The following HDDC2 variants were observed in gnomAD, a reference collection of about 807,000 sequenced individuals.
The protein encoded by HDDC2 is 5'-deoxynucleotidase HDDC2.
In HDDC2, 25 loss-of-function variants were observed where a neutral mutation model predicts 25.5. The observed-to-expected ratio is 0.98, with a 90% CI of 0.72 to 1.37. HDDC2 has a LOEUF of 1.37. Ranked by LOEUF, HDDC2 falls within the 40% of genes most tolerant of loss-of-function variation. The probability of loss-of-function intolerance (pLI) is 0.00; values close to 1 mark genes in which losing one functional copy is unlikely to be tolerated. For missense variants in HDDC2, 264 were observed against 253.1 expected (o/e 1.04, Z -0.29); for synonymous variants, 106 against 89.7 (o/e 1.18, Z -1.03).
At chr6:125,280,675 C>T (rs1367108305) in intron 4 of HDDC2, among the ~76,000 whole-genome samples, 1 of 152,264 alleles carries the variant, frequency 6.6e-6, no homozygotes. Context: ...AATTCCTCCT[C>T]TCTGGGCAGA....
chr6:125,301,643 G>A (rs913915696), intron 1 of HDDC2, among the ~76,000 whole-genome samples: 1 of 152,182 alleles, frequency 6.6e-6, no homozygotes, highest in African/African-American at 2.4e-5. Context: ...CGCCCCAGCT[G>A]GCCAGCCTGT....
At chr6:125,296,823 A>G (rs1295252384) in intron 3 of HDDC2, among the ~76,000 whole-genome samples, 2 of 152,194 alleles carry the variant, frequency 1.3e-5, no homozygotes, top group African/African-American at 2.4e-5. Context: ...GTGCCTGTCC[A>G]TGGGGTGTCA....
chr6:125,281,372 G>C (rs928781789), intron 4 of HDDC2, among the ~76,000 whole-genome samples: 3 of 152,178 alleles, frequency 2.0e-5, no homozygotes, highest in African/African-American at 4.8e-5. Flanking sequence ...CAAATTGACA[G>C]AAGTAGGATT....
intron 4 of HDDC2, among the ~76,000 whole-genome samples, chr6:125,287,226 A>G (rs958407848): frequency 7.9e-5 from 12 of 152,218 alleles, no homozygotes; most frequent in Non-Finnish European, 1.6e-4. Flanking sequence ...AAAAAAAGTG[A>G]GCATGATTAA....
chr6:125,282,041 A>G (rs1798466797), intron 4 of HDDC2, among the ~76,000 whole-genome samples: 1 of 152,176 alleles, frequency 6.6e-6, no homozygotes, highest in Non-Finnish European at 1.5e-5. Flanking sequence ...GTGGGGGCCA[A>G]TACTCAACAT....
intron 1 of HDDC2, among the ~76,000 whole-genome samples, chr6:125,301,037 G>A (rs1798793357): frequency 6.6e-6 from 1 of 152,030 alleles, no homozygotes; most frequent in Non-Finnish European, 1.5e-5. Flanking sequence ...TGTATTGAAG[G>A]GTCTGAACGT....
At position 125,300,606 on chromosome 6, in the gene HDDC2, A is replaced by C; in HGVS notation, c.138T>G (p.Val46=). 6.2e-7 allele frequency: 1 copy of C among 1,614,134 alleles called. No individual in the cohort carries two copies. The change falls in exon 2 of 6, where the codon GTT becomes GTG. Residue 46 remains valine (V), a synonymous_variant. Transcript: ENST00000398153. ...CTGCCATCCGGTACATGTGATCTGA[A>C]ACGCTCTCCGGCCTCTGGACATTTC... ...VYRNVQRPES[V]SDHMYRMAVM... is the part of the protein sequence containing the mutation.
At chr6:125,294,632 A>G (rs1164125253) in intron 3 of HDDC2, among the ~76,000 whole-genome samples, 1 of 152,246 alleles carries the variant, frequency 6.6e-6, no homozygotes, top group Non-Finnish European at 1.5e-5. Context: ...ATGTACATAC[A>G]GGTATATGAA....
intron 5 of HDDC2, chr6:125,276,819 T>A: frequency 2.4e-6 from 1 of 419,216 alleles, no homozygotes; most frequent in Non-Finnish European, 4.3e-6. Context: ...TGTATGTCCA[T>A]GACGGCTAGC....
At chr6:125,282,447 T>G (rs1297975746) in intron 4 of HDDC2, among the ~76,000 whole-genome samples, 2 of 152,140 alleles carry the variant, frequency 1.3e-5, no homozygotes, top group South Asian at 4.1e-4. Flanking sequence ...ATAAAATCTT[T>G]TACATAGAAG....
chr6:125,298,634 A>G, intron 3 of HDDC2, 80 bp downstream of exon 3: 1 of 981,088 alleles, frequency 1.0e-6, no homozygotes, highest in Non-Finnish European at 1.6e-6. Flanking sequence ...CCCTAACTGT[A>G]ACAGGTCTCA....
At chr6:125,296,177 T>C (rs779026182) in intron 3 of HDDC2, among the ~76,000 whole-genome samples, 1 of 152,066 alleles carries the variant, frequency 6.6e-6, no homozygotes, top group African/African-American at 2.4e-5. Flanking sequence ...ACTATTTACA[T>C]AGCATTTGCA....
At chr6:125,283,610 G>C (rs189367100) in intron 4 of HDDC2, among the ~76,000 whole-genome samples, 1 of 152,100 alleles carries the variant, frequency 6.6e-6, no homozygotes, top group Non-Finnish European at 1.5e-5. Context: ...AACTTACAAG[G>C]AATGTGAAGG....
Position 125,275,832 on chromosome 6 carries a change from TAATTA to T in HDDC2, c.*309_*313del. The T allele has an allele frequency of 3.6e-6, 1 of 274,348 alleles. No homozygotes were observed. Among genetic ancestry groups the T allele is most frequent in the South Asian group, 9.9e-5 (1 of 10,052 alleles). The allele number at this position is 274,348 out of a possible 1,614,324, so 17.0% of individuals were successfully genotyped here. On this transcript the variant is annotated 3_prime_UTR_variant, in exon 6 of 6. Transcript: ENST00000398153. The stretch of plus-strand genomic sequence containing the variant: ...TGAACCTAGCCTTCGGGGATATCGG[TAATTA>T]AGTCAGAATAAGATGATTTTAAATC...
At chr6:125,282,088 G>A (rs1447712937) in intron 4 of HDDC2, among the ~76,000 whole-genome samples, 3 of 152,182 alleles carry the variant, frequency 2.0e-5, no homozygotes, top group African/African-American at 7.2e-5. Flanking sequence ...GCTCATGCCT[G>A]TAATCCAAAC....
At chr6:125,295,586 G>C (rs1354131854) in intron 3 of HDDC2, among the ~76,000 whole-genome samples, 3 of 152,174 alleles carry the variant, frequency 2.0e-5, no homozygotes, top group Admixed American at 2.0e-4. Context: ...CTTATTATTG[G>C]CACATAATAA....
rs1233883311 is a variant in HDDC2, at chr6:125,287,495, G to A, written c.378+5346C>T. ...TGAGTATTTTATTTCTCAATAAAAGGCTTTAAAAATAATAAAAATGGCAGA... is the reference window on the plus strand; with the variant it reads ...TGAGTATTTTATTTCTCAATAAAAGACTTTAAAAATAATAAAAATGGCAGA... On this transcript the variant is annotated intron_variant, in intron 4 of 5. Coordinates refer to ENST00000398153, the MANE Select transcript of HDDC2 (RefSeq NM_016063.3). 2.0e-5 allele frequency among the ~76,000 whole-genome samples: 3 copies of A among 152,148 alleles called. No homozygotes were observed. The East Asian group carries it at 5.8e-4, about 29-fold the overall frequency.
At chr6:125,290,419 C>T (rs931472218) in intron 4 of HDDC2, among the ~76,000 whole-genome samples, 17 of 152,172 alleles carry the variant, frequency 1.1e-4, no homozygotes, top group African/African-American at 4.1e-4. Context: ...CAACATTAGA[C>T]ATGAAGTATA....
At chr6:125,280,873 A>G (rs1173038159) in intron 4 of HDDC2, among the ~76,000 whole-genome samples, 1 of 152,196 alleles carries the variant, frequency 6.6e-6, no homozygotes, top group Non-Finnish European at 1.5e-5. Flanking sequence ...CTGCTAAGGG[A>G]CAGACTCTCT....
Sources: allele counts gnomAD v4.1 joint callset (sites outside exome capture counted in the v4.1 genomes callset), GRCh38; gene constraint gnomAD v4.1.1; transcripts MANE v1.5; gene names NCBI Gene and HGNC (gene_info 2026-07-23, HGNC 2026-07-21).